The following ITGAV variants were observed in gnomAD, a reference collection of about 807,000 sequenced individuals.
ITGAV encodes integrin alpha-V.
In ITGAV, 76 loss-of-function variants were observed where a neutral mutation model predicts 143.8. That is an observed-to-expected ratio of 0.53 (90% CI 0.44 to 0.64). The LOEUF (loss-of-function observed/expected upper bound fraction) is 0.64. ITGAV is among the 30% of genes least tolerant of loss of function. ITGAV has a pLI of 0.00. For missense variants in ITGAV, 1,193 were observed against 1,274.7 expected, an observed-to-expected ratio of 0.94 and a Z score of 0.98; for synonymous variants, 453 against 446.7, an observed-to-expected ratio of 1.01 and a Z score of -0.18.
intron 1 of ITGAV, among the ~76,000 whole-genome samples, chr2:186,598,268 G>A (rs1686800884): frequency 6.9e-6 from 1 of 144,932 alleles, no homozygotes. Flanking sequence ...AATTGTATAT[G>A]TAATAAATTT....
At chr2:186,594,233 C>T (rs1686688053) in intron 1 of ITGAV, among the ~76,000 whole-genome samples, 2 of 152,318 alleles carry the variant, frequency 1.3e-5, no homozygotes, top group Non-Finnish European at 2.9e-5. Context: ...TGTCTTAACT[C>T]AATTTGACTA....
intron 4 of ITGAV, among the ~76,000 whole-genome samples, chr2:186,630,261 G>A (rs151119179): frequency 6.6e-6 from 1 of 151,882 alleles, no homozygotes; most frequent in East Asian, 1.9e-4. Flanking sequence ...AGGGTAATAG[G>A]AAGACAGAGG....
chr2:186,598,294 T>TACACACAC (rs56789925), intron 1 of ITGAV, among the ~76,000 whole-genome samples: 4,613 of 147,904 alleles, frequency 0.031, 88 homozygotes, highest in Middle Eastern at 0.051. Context: ...TTATAATTTA[T>TACACACAC]ACACACACAC....
At chr2:186,669,030 T>A in intron 25 of ITGAV, 110 bp downstream of exon 25, 3 of 994,764 alleles carry the variant, frequency 3.0e-6, no homozygotes, top group Non-Finnish European at 2.9e-6. Context: ...TAAAACCCAC[T>A]CTGCAAAAAA....
intron 14 of ITGAV, among the ~76,000 whole-genome samples, chr2:186,650,312 T>C (rs554372759): frequency 1.3e-5 from 2 of 152,268 alleles, no homozygotes; most frequent in African/African-American, 4.8e-5. Context: ...ACAATTCTCA[T>C]GCCTCAGCCT....
chr2:186,652,068 G>C lies in ITGAV; in HGVS notation c.1484G>C (p.Gly495Ala), dbSNP rs147403786. The change falls in exon 15 of 30, where the codon GGA (glycine) becomes GCA (alanine). Residue 495 changes from glycine (G) to alanine (A), a missense_variant. Gly to Ala is a moderately conservative substitution (Grantham distance 60). Transcript: ENST00000261023. ...GACAATAAAACCTGCTCACTGCCTGGAACAGCTCTCAAAGTTTCCTGGTAA... is the reference window on the plus strand; with the variant it reads ...GACAATAAAACCTGCTCACTGCCTGCAACAGCTCTCAAAGTTTCCTGGTAA... Reference protein sequence around the residue: ...NQDNKTCSLPGTALKVSCFNV... With the variant: ...NQDNKTCSLPATALKVSCFNV... The C allele has an allele frequency of 4.9e-4, 782 of 1,607,964 alleles. No homozygotes were observed. The highest frequency in any genetic ancestry group is 4.3e-4 in the Non-Finnish European group (503 of 1,174,562).
At chr2:186,667,530 G>C (rs1023679072) in intron 23 of ITGAV, 141 bp from the exon 24 acceptor site, 10 of 529,998 alleles carry the variant, frequency 1.9e-5, no homozygotes, top group Non-Finnish European at 3.3e-5. Flanking sequence ...GCATGTGTGT[G>C]TTCATTAGTT....
Position 186,667,103 on chromosome 2 carries a change from G to A in ITGAV, c.2247-47G>A, listed in dbSNP as rs1039305243. Reference sequence around the variant, plus strand: ...ACTGGGTTTGCCTCTGTATGTTCTTGGTTGTTATGCATAATTCATTTTTAA... The same window carrying A: ...ACTGGGTTTGCCTCTGTATGTTCTTAGTTGTTATGCATAATTCATTTTTAA... On this transcript the variant is annotated intron_variant, in intron 22 of 29. Transcript: ENST00000261023. The A allele has an allele frequency of 2.8e-6, 4 of 1,441,134 alleles. No individual in the cohort carries two copies. In the African/African-American group the frequency reaches 5.7e-5, roughly 21 times the overall value. The allele number at this position is 1,441,134 out of a possible 1,614,324, so 89.3% of individuals were successfully genotyped here. A position where few individuals can be genotyped will look rare whatever the true frequency, so the allele number is the denominator to read the frequency against.
intron 4 of ITGAV, among the ~76,000 whole-genome samples, chr2:186,630,493 A>G (rs1687787473): frequency 6.6e-6 from 1 of 152,084 alleles, no homozygotes; most frequent in Admixed American, 6.6e-5. Flanking sequence ...GGGTTGTGAT[A>G]TAAATTATAA....
chr2:186,635,547 T>C (rs1160148956), intron 6 of ITGAV, among the ~76,000 whole-genome samples: 1 of 152,232 alleles, frequency 6.6e-6, no homozygotes, highest in Admixed American at 6.5e-5. Flanking sequence ...CAACACTTGA[T>C]AAACCAGCTA....
intron 13 of ITGAV, among the ~76,000 whole-genome samples, chr2:186,649,614 T>G (rs1428732293): frequency 6.6e-6 from 1 of 152,184 alleles, no homozygotes; most frequent in African/African-American, 2.4e-5. Context: ...TTTAAAAGAT[T>G]TATATCCACC....
chr2:186,638,362 A>G (rs950445810), intron 9 of ITGAV, 42 bp downstream of exon 9: 2 of 1,607,992 alleles, frequency 1.2e-6, no homozygotes, highest in South Asian at 2.2e-5. Context: ...TCTCTAAGTT[A>G]TCTTCTATTT....
At position 186,622,420 on chromosome 2, in the gene ITGAV, A is replaced by T; in HGVS notation, c.398A>T (p.Asp133Val). ...GGAGCATCTGTGAGGTCGAAACAGGATAAAATTTTGGTGAGTCTTCTGGAT... is the reference window on the plus strand; with the variant it reads ...GGAGCATCTGTGAGGTCGAAACAGGTTAAAATTTTGGTGAGTCTTCTGGAT... ...WFGASVRSKQ[D>V]KILACAPLYH... Residue 133 changes from aspartate (D) to valine (V), a missense_variant, in exon 3 of 30, where the codon GAT (aspartate) becomes GTT (valine). By Grantham distance (152) the Asp-to-Val change is radical. Transcript: ENST00000261023. The T allele has an allele frequency of 6.2e-7, 1 of 1,611,050 alleles. No homozygotes were observed. The highest frequency in any genetic ancestry group is 8.5e-7 in the Non-Finnish European group (1 of 1,177,208).
chr2:186,615,671 G>A (rs953497508), intron 2 of ITGAV, among the ~76,000 whole-genome samples: 2 of 151,306 alleles, frequency 1.3e-5, no homozygotes, highest in African/African-American at 4.9e-5. Context: ...TGAGTTGTAG[G>A]AGTTTTTCGT....
intron 1 of ITGAV, among the ~76,000 whole-genome samples, chr2:186,590,778 A>C (rs944222117): frequency 2.0e-5 from 3 of 152,208 alleles, no homozygotes; most frequent in African/African-American, 7.2e-5. Context: ...GCTTTGAAGC[A>C]GACCTGTGCT....
At chr2:186,616,355 T>G (rs1276311338) in intron 2 of ITGAV, among the ~76,000 whole-genome samples, 1 of 144,766 alleles carries the variant, frequency 6.9e-6, no homozygotes, top group Non-Finnish European at 1.5e-5. Flanking sequence ...CTCGGCTCAC[T>G]GCAAGCTCCG....
chr2:186,656,804 G>A (rs1688602326), intron 17 of ITGAV, among the ~76,000 whole-genome samples: 1 of 152,122 alleles, frequency 6.6e-6, no homozygotes, highest in African/African-American at 2.4e-5. Flanking sequence ...TAAGGAGAGG[G>A]CAGGTGGTAA....
Position 186,654,707 on chromosome 2 carries a change from T to G in ITGAV, c.1563T>G (p.Leu521=), listed in dbSNP as rs199961868. The change falls in exon 16 of 30, where the codon CTT becomes CTG. Residue 521 remains leucine, a splice_region_variant and synonymous_variant. Coordinates refer to ENST00000261023, the MANE Select transcript of ITGAV (RefSeq NM_002210.5). ...GCAAAGGAGTACTTCCCAGGAAACTTAGTAAGTGTTCTATGAAAAATCATA... is the reference window on the plus strand; with the variant it reads ...GCAAAGGAGTACTTCCCAGGAAACTGAGTAAGTGTTCTATGAAAAATCATA... ...ADGKGVLPRK[L]NFQVELLLDK... The G allele has an allele frequency of 1.4e-6, 2 of 1,453,178 alleles. No individual in the cohort carries two copies. The highest frequency in any genetic ancestry group is 2.8e-5 in the African/African-American group (2 of 71,528). 90.0% of individuals were successfully genotyped at this position (1,453,178 alleles called of 1,614,324 possible).
chr2:186,606,871 A>G (rs1340098722), intron 2 of ITGAV, among the ~76,000 whole-genome samples: 1 of 152,102 alleles, frequency 6.6e-6, no homozygotes, highest in African/African-American at 2.4e-5. Flanking sequence ...TGCCAGCTTC[A>G]GGGGATGCTT....
Sources: gnomAD v4.1 joint callset for allele counts (sites outside exome capture counted in the v4.1 genomes callset) on GRCh38, gnomAD v4.1.1 for gene constraint, MANE v1.5 for transcripts, NCBI Gene and HGNC (gene_info 2026-07-23, HGNC 2026-07-21) for gene names.